LZTR1: variants seen among roughly 807,000 people sequenced by gnomAD.
The protein encoded by LZTR1 is leucine zipper like post translational regulator 1, also known as leucine-zipper-like transcriptional regulator 1.
LZTR1 carries 260 observed loss-of-function variants against 105.7 expected under a neutral mutation model. That is an observed-to-expected ratio of 2.46 (90% CI 2.22 to 2.72). LZTR1 has a LOEUF of 2.72. LZTR1 is among the 30% of genes most tolerant of loss of function. The pLI, the probability that LZTR1 is intolerant of heterozygous loss-of-function variation, is 0.00. For missense variants in LZTR1, 1,214 were observed against 1,166.9 expected, an observed-to-expected ratio of 1.04 and a Z score of -0.59; for synonymous variants, 490 against 476.4, an observed-to-expected ratio of 1.03 and a Z score of -0.37.
intron 3 of LZTR1, chr22:20,986,442 AAGAC>A (rs1053152126): frequency 7.2e-6 from 1 of 139,450 alleles, no homozygotes; most frequent in Admixed American, 7.4e-5. Flanking sequence ...AGATGATAGA[AAGAC>A]AAAGAGAGAT....
intron 5 of LZTR1, among the ~76,000 whole-genome samples, 171 bp from the exon 6 acceptor site, chr22:20,988,618 C>T (rs1924487840): frequency 6.6e-6 from 1 of 152,156 alleles, no homozygotes; most frequent in Admixed American, 6.5e-5. Context: ...CACTAGTCGG[C>T]CTCTGGGGCT....
chr22:20,994,784 C>A, intron 15 of LZTR1, 57 bp downstream of exon 15: 1 of 1,607,310 alleles, frequency 6.2e-7, no homozygotes, highest in Non-Finnish European at 8.5e-7. Flanking sequence ...GGCTTAGGCC[C>A]CCTCCCTGCC....
At chr22:20,990,349 T>C (rs1924558255) in intron 7 of LZTR1, 37 bp from the exon 8 acceptor site, 69 of 1,612,956 alleles carry the variant, frequency 4.3e-5, no homozygotes, top group Non-Finnish European at 5.7e-5. Flanking sequence ...GAGCGGGCCC[T>C]GTGAGGCCGG....
chr22:20,998,346 TCTGCCCTGCCTTGCCCCTG>T lies in LZTR1; in HGVS notation c.*1000_*1018del, dbSNP rs1258348658. The stretch of plus-strand genomic sequence containing the variant: ...AGGCCTGGGGTGGGCTCCTGCCCCT[TCTGCCCTGCCTTGCCCCTG>T]CACTATGCTCTTGGCTCCTGTGGAA... On this transcript the variant is annotated 3_prime_UTR_variant, in exon 21 of 21. Coordinates refer to ENST00000646124, the MANE Select transcript of LZTR1 (RefSeq NM_006767.4). 1.3e-5 allele frequency: 2 copies of T among 152,458 alleles called. No individual in the cohort carries two copies. Among genetic ancestry groups the T allele is most frequent in the African/African-American group, 4.8e-5 (2 of 41,468 alleles). 9.4% of individuals were successfully genotyped at this position (152,458 alleles called of 1,614,324 possible).
chr22:20,995,585 A>G, intron 16 of LZTR1, 161 bp from the exon 17 acceptor site: 1 of 871,116 alleles, frequency 1.1e-6, no homozygotes, highest in Non-Finnish European at 1.9e-6. Flanking sequence ...CCGAGGGAGG[A>G]CAGAATGTGG....
rs1297342911 is a variant in LZTR1, at chr22:20,996,834, C to T, written c.2325+33C>T. On this transcript the variant is annotated intron_variant, in intron 19 of 20. Coordinates refer to ENST00000646124, the MANE Select transcript of LZTR1 (RefSeq NM_006767.4). Reference sequence around the variant, plus strand: ...CCCAGCCCCGTGCACATGGCTGCAGCTCCCACTGAGTGGGTGAAAGGGGCA... The same window carrying T: ...CCCAGCCCCGTGCACATGGCTGCAGTTCCCACTGAGTGGGTGAAAGGGGCA... The T allele has an allele frequency of 3.1e-6, 5 of 1,611,896 alleles. No individual in the cohort carries two copies. The African/African-American group carries it at 5.3e-5, about 17-fold the overall frequency.
intron 2 of LZTR1, among the ~76,000 whole-genome samples, chr22:20,983,849 G>C (rs1268460564): frequency 6.6e-6 from 1 of 152,200 alleles, no homozygotes; most frequent in Non-Finnish European, 1.5e-5. Flanking sequence ...CTTTCCCCAG[G>C]AGTAGCCGGT....
intron 16 of LZTR1, 131 bp from the exon 17 acceptor site, chr22:20,995,615 A>G: frequency 9.0e-7 from 1 of 1,117,168 alleles, no homozygotes; most frequent in Middle Eastern, 2.5e-4. Flanking sequence ...CCTCAGGGCG[A>G]GTGAGGCCTT....
chr22:20,983,536 C>T (rs967507801), intron 2 of LZTR1, among the ~76,000 whole-genome samples: 1 of 152,246 alleles, frequency 6.6e-6, no homozygotes, highest in Admixed American at 6.5e-5. Flanking sequence ...GTGGGCACAC[C>T]TCCTTTCACA....
At chr22:20,987,395 A>C in intron 3 of LZTR1, 109 bp from the exon 4 acceptor site, 1 of 646,734 alleles carries the variant, frequency 1.5e-6, no homozygotes, top group Non-Finnish European at 2.7e-6. Flanking sequence ...TCTCAAAAAA[A>C]AAAAAAAAGA....
rs370094874 is a variant in LZTR1, at chr22:20,983,321, G to C, written c.263+232G>C. 4.6e-5 allele frequency among the ~76,000 whole-genome samples: 7 copies of C among 152,356 alleles called. No homozygotes were observed. The South Asian group carries it at 8.3e-4, about 18-fold the overall frequency. ...GCTTCCAGTGGGTGGCACATGCTCA[G>C]TATGTGGAAATGTCCCTCTTCTGAG... On this transcript the variant is annotated intron_variant, in intron 2 of 20. Coordinates refer to ENST00000646124, the MANE Select transcript of LZTR1 (RefSeq NM_006767.4).
chr22:20,997,780 C>T lies in LZTR1; in HGVS notation c.*432C>T, dbSNP rs888044225. The T allele has an allele frequency of 2.4e-4, 41 of 169,656 alleles. 1 individual carries two copies. The highest frequency in any genetic ancestry group is 5.7e-3 in the Middle Eastern group (2 of 350). The allele number at this position is 169,656 out of a possible 1,614,324, so 10.5% of individuals were successfully genotyped here. On this transcript the variant is annotated 3_prime_UTR_variant, in exon 21 of 21. Transcript: ENST00000646124. ...TGCGGGAGGAGGCTTAGCAGACTTG[C>T]GCTGCACCAGCGAATCTGCCTGGGC...
In LZTR1 at chr22:20,994,966, AT is replaced by A; in HGVS notation, c.1884del (p.Ile628MetfsTer24). 1.2e-6 allele frequency: 2 copies of A among 1,613,188 alleles called. No homozygotes were observed. The highest frequency in any genetic ancestry group is 1.7e-6 in the Non-Finnish European group (2 of 1,179,974). ...ERLSSPLIVE[I>X]VRRKQQPPPR... ...CCTCTCCTCTCCACTGATAGTGGAGATTGTGCGGCGGAAGCAGCAGCCGCCC... is the reference window on the plus strand; with the variant it reads ...CCTCTCCTCTCCACTGATAGTGGAGATGTGCGGCGGAAGCAGCAGCCGCCC... On this transcript the variant is annotated frameshift_variant, in exon 16 of 21. Transcript: ENST00000646124. LOFTEE classifies it high-confidence loss of function.
intron 8 of LZTR1, chr22:20,990,944 G>A (rs1924587076): frequency 5.6e-6 from 1 of 177,886 alleles, no homozygotes; most frequent in South Asian, 1.2e-4. Context: ...GGCTGCAGGA[G>A]AGGGCACAAG....
intron 4 of LZTR1, 120 bp downstream of exon 4, chr22:20,987,703 C>T (rs1053082056): frequency 2.1e-5 from 20 of 936,918 alleles, no homozygotes; most frequent in African/African-American, 2.0e-4. Context: ...TCTCTCCACC[C>T]GTGGCTTTGT....
chr22:20,987,628 C>G (rs976369066), intron 4 of LZTR1, 45 bp downstream of exon 4: 2 of 1,531,354 alleles, frequency 1.3e-6, no homozygotes, highest in Non-Finnish European at 1.8e-6. Flanking sequence ...CCCCGAGGCC[C>G]ACAGACACCC....
At chr22:20,994,772 C>T in intron 15 of LZTR1, 45 bp downstream of exon 15, 1 of 1,608,600 alleles carries the variant, frequency 6.2e-7, no homozygotes, top group Non-Finnish European at 8.5e-7. Flanking sequence ...GGGGTGTGCT[C>T]AGGCTTAGGC....
At chr22:20,987,383 C>T (rs546547880) in intron 3 of LZTR1, 121 bp from the exon 4 acceptor site, 118 of 585,572 alleles carry the variant, frequency 2.0e-4, no homozygotes, top group Non-Finnish European at 2.9e-4. Context: ...AGAGAGACTC[C>T]GTCTCAAAAA....
Position 20,991,654 on chromosome 22 carries a change from T to C in LZTR1, c.818T>C (p.Leu273Pro), listed in dbSNP as rs1417117052. ...KTWTRIPTEHLLRGSPPPPQR... is the reference protein window; with the variant it reads ...KTWTRIPTEHPLRGSPPPPQR... ...TGGACACGCATCCCAACTGAACACC[T>C]GCTCCGGGGCTCCCCACCACCCCCG... is the stretch of plus-strand genomic sequence containing the variant. Residue 273 changes from leucine to proline, a missense_variant, in exon 9 of 21, where the codon CTG (leucine) becomes CCG (proline). Coordinates refer to ENST00000646124, the MANE Select transcript of LZTR1 (RefSeq NM_006767.4). 6.2e-7 allele frequency: 1 copy of C among 1,601,128 alleles called. No homozygotes were observed. The highest frequency in any genetic ancestry group is 8.5e-7 in the Non-Finnish European group (1 of 1,177,588).
Sources: gnomAD v4.1 joint callset for allele counts (sites outside exome capture counted in the v4.1 genomes callset) on GRCh38, gnomAD v4.1.1 for gene constraint, MANE v1.5 for transcripts, NCBI Gene and HGNC (gene_info 2026-07-23, HGNC 2026-07-21) for gene names.